The following PPP1R37 variants were observed in gnomAD, a reference collection of about 807,000 sequenced individuals.
The protein encoded by PPP1R37 is protein phosphatase 1 regulatory subunit 37.
Under a neutral mutation model 61.0 loss-of-function variants are expected in PPP1R37, and 21 were observed. The ratio of observed to expected loss-of-function variants is 0.34; its 90% CI spans 0.24 to 0.50. The LOEUF (loss-of-function observed/expected upper bound fraction) is 0.50. Among genes scored for constraint, PPP1R37 ranks in the 20% least tolerant of loss-of-function variants. PPP1R37 has a pLI of 0.98. For synonymous variants in PPP1R37, 443 were observed against 433.5 expected (o/e 1.02, Z -0.27); for missense variants, 910 against 952.7 (o/e 0.96, Z 0.59).
rs943748522 is a variant in PPP1R37, at chr19:45,144,928, G to C, written c.1062G>C (p.Lys354Asn). 4 of 1,535,756 alleles carry C rather than the reference G, an allele frequency of 2.6e-6. No homozygotes were observed. The highest frequency in any genetic ancestry group is 3.5e-6 in the Non-Finnish European group (4 of 1,146,728). ...GGAACGAGGGTGTGCGGCACCTCAA[G>C]AACGGGCTCATCAGCAACCGCAGCG... ...PIGNEGVRHLKNGLISNRSVL... is the reference protein window; with the variant it reads ...PIGNEGVRHLNNGLISNRSVL... The change falls in exon 9 of 13, where the codon AAG becomes AAC. Residue 354 changes from lysine to asparagine, a missense_variant. This residue lies in a region of PPP1R37 where 549 missense variants were observed against 505.1 expected (regional missense o/e 1.09). Coordinates refer to ENST00000221462, the MANE Select transcript of PPP1R37 (RefSeq NM_019121.2).
At chr19:45,099,016 G>T (rs923408026) in intron 1 of PPP1R37, among the ~76,000 whole-genome samples, 2 of 152,068 alleles carry the variant, frequency 1.3e-5, no homozygotes, top group Non-Finnish European at 2.9e-5. Flanking sequence ...GTCCTCATAG[G>T]GTGATTGGGA....
At chr19:45,129,030 G>C in intron 1 of PPP1R37, 1 of 831,034 alleles carries the variant, frequency 1.2e-6, no homozygotes, top group Non-Finnish European at 2.0e-6. Context: ...CATGGCAAAA[G>C]AACTGGCTCC....
chr19:45,097,720 T>C (rs1211082914), intron 1 of PPP1R37, among the ~76,000 whole-genome samples: 1 of 151,852 alleles, frequency 6.6e-6, no homozygotes, highest in African/African-American at 2.4e-5. Context: ...GGCCATCTGA[T>C]GTTCTTCTGT....
At chr19:45,120,599 A>G (rs1968329958) in intron 1 of PPP1R37, among the ~76,000 whole-genome samples, 1 of 152,122 alleles carries the variant, frequency 6.6e-6, no homozygotes, top group Admixed American at 6.6e-5. Context: ...ATTAATCTCC[A>G]GGTGTGTAAT....
rs1043771319 is a variant in PPP1R37, at chr19:45,093,388, C to G, written c.63C>G (p.Ala21=). The G allele has an allele frequency of 9.8e-6, 15 of 1,532,754 alleles. No individual in the cohort carries two copies. The highest frequency in any genetic ancestry group is 1.7e-4 in the Middle Eastern group (1 of 5,968). The allele number at this position is 1,532,754 out of a possible 1,614,324, so 94.9% of individuals were successfully genotyped here. ...GCGCGGACGGCGACATTGAAGAGGCCCCAGCTGAGGCCGGGTCTCCCAGCC... is the reference window on the plus strand; with the variant it reads ...GCGCGGACGGCGACATTGAAGAGGCGCCAGCTGAGGCCGGGTCTCCCAGCC... ...VPGADGDIEE[A]PAEAGSPSPA... is the part of the protein sequence containing the mutation. The change falls in exon 1 of 13, where the codon GCC becomes GCG. Residue 21 remains alanine (A), a synonymous_variant. Coordinates refer to ENST00000221462, the MANE Select transcript of PPP1R37 (RefSeq NM_019121.2).
intron 1 of PPP1R37, among the ~76,000 whole-genome samples, chr19:45,127,125 G>A (rs555684537): frequency 3.0e-4 from 46 of 152,184 alleles, no homozygotes; most frequent in African/African-American, 1.0e-3. Flanking sequence ...CTAGATGGGC[G>A]GATCACCTGA....
At chr19:45,117,159 C>T (rs1427926841) in intron 1 of PPP1R37, among the ~76,000 whole-genome samples, 3 of 152,074 alleles carry the variant, frequency 2.0e-5, no homozygotes, top group African/African-American at 2.4e-5. Context: ...GTGATGCACC[C>T]GCCTCAGCCT....
rs1198613949 is a variant in PPP1R37 at position 45,093,321 on chromosome 19, C to A, written c.-5C>A. The stretch of plus-strand genomic sequence containing the variant: ...CGGGGCCCCCGTGAGGAGGCGGCGG[C>A]GGCTATGGAGATCGCGCCGCAGGAG... On this transcript the variant is annotated 5_prime_UTR_variant, in exon 1 of 13. Coordinates refer to ENST00000221462, the MANE Select transcript of PPP1R37 (RefSeq NM_019121.2). The A allele has an allele frequency of 7.0e-7, 1 of 1,436,162 alleles. No homozygotes were observed. Among genetic ancestry groups the A allele is most frequent in the Admixed American group, 2.8e-5 (1 of 36,252 alleles). 89.0% of individuals were successfully genotyped at this position (1,436,162 alleles called of 1,614,324 possible). A position where few individuals can be genotyped will look rare whatever the true frequency, so the allele number is the denominator to read the frequency against.
chr19:45,100,781 G>A lies in PPP1R37; in HGVS notation c.202+7254G>A, dbSNP rs141043004. Among the ~76,000 whole-genome samples, 1,407 of 148,140 alleles carry A rather than the reference G, an allele frequency of 9.5e-3. 22 individuals are homozygous for A. The highest frequency in any genetic ancestry group is 0.032 in the African/African-American group (1,298 of 40,484). On this transcript the variant is annotated intron_variant, in intron 1 of 12. Transcript: ENST00000221462. The stretch of plus-strand genomic sequence containing the variant: ...AGAAACAGAAACAGGTGGGGTAAGG[G>A]CCCAGCCTTGGTGGGCACGCAGGAG...
chr19:45,105,812 C>T (rs779302662), intron 1 of PPP1R37, among the ~76,000 whole-genome samples: 2 of 152,178 alleles, frequency 1.3e-5, no homozygotes, highest in Non-Finnish European at 2.9e-5. Flanking sequence ...GGGTCAGGCC[C>T]GGGGCTTTCT....
At chr19:45,142,644 G>C in intron 7 of PPP1R37, 186 bp downstream of exon 7, 3 of 652,916 alleles carry the variant, frequency 4.6e-6, no homozygotes, top group South Asian at 4.0e-5. Context: ...GACTGGGCTG[G>C]TGGAGCCCAG....
intron 5 of PPP1R37, 53 bp from the exon 6 acceptor site, chr19:45,142,008 G>A (rs1207906168): frequency 7.1e-7 from 1 of 1,403,070 alleles, no homozygotes; most frequent in South Asian, 1.4e-5. Flanking sequence ...GGGCCAGGGA[G>A]TGCTGGGGCA....
intron 1 of PPP1R37, among the ~76,000 whole-genome samples, chr19:45,112,413 A>G (rs142447083): frequency 2.2e-5 from 3 of 136,562 alleles, no homozygotes; most frequent in African/African-American, 8.2e-5. Context: ...TTGGCTTCTC[A>G]AGGTAATGCC....
chr19:45,118,589 G>A (rs961526452), intron 1 of PPP1R37, among the ~76,000 whole-genome samples: 1 of 152,204 alleles, frequency 6.6e-6, no homozygotes, highest in Non-Finnish European at 1.5e-5. Flanking sequence ...TAACTGCGTA[G>A]TAAATGACAG....
chr19:45,127,512 G>GA (rs1968422311), intron 1 of PPP1R37, among the ~76,000 whole-genome samples: 1 of 152,148 alleles, frequency 6.6e-6, no homozygotes, highest in Admixed American at 6.6e-5. Flanking sequence ...TTGTGTATAT[G>GA]AACGTAGACA....
In PPP1R37 at chr19:45,141,458, T is replaced by C; in HGVS notation, c.567+17T>C. On this transcript the variant is annotated intron_variant, in intron 5 of 12. Coordinates refer to ENST00000221462, the MANE Select transcript of PPP1R37 (RefSeq NM_019121.2). The stretch of plus-strand genomic sequence containing the variant: ...ATGCGCAAGGTGGGCGCCTCTCGGC[T>C]TCCAGGAAGAGGCAGCTCAGGCTCC... 6.6e-7 allele frequency: 1 copy of C among 1,521,658 alleles called. No individual in the cohort carries two copies. Among genetic ancestry groups the C allele is most frequent in the Non-Finnish European group, 8.8e-7 (1 of 1,136,212 alleles). 94.3% of individuals were successfully genotyped at this position (1,521,658 alleles called of 1,614,324 possible). A position where few individuals can be genotyped will look rare whatever the true frequency, so the allele number is the denominator to read the frequency against.
In PPP1R37 at chr19:45,127,365, A is replaced by AC. The variant is rs1177967709; in HGVS notation, c.203-11149_203-11148insC. ...AAAACTCCATCTCAAAAAAAAAAAA[A>AC]AAAAAAAAAAACCCTAGGTGGCATG... is the stretch of plus-strand genomic sequence containing the variant. On this transcript the variant is annotated intron_variant, in intron 1 of 12. Coordinates refer to ENST00000221462, the MANE Select transcript of PPP1R37 (RefSeq NM_019121.2). 7.3e-5 allele frequency among the ~76,000 whole-genome samples: 11 copies of AC among 151,558 alleles called. No individual in the cohort carries two copies. In the Admixed American group the frequency reaches 7.3e-4, roughly 10 times the overall value.
chr19:45,112,733 G>C (rs1329952088), intron 1 of PPP1R37, among the ~76,000 whole-genome samples: 1 of 152,200 alleles, frequency 6.6e-6, no homozygotes, highest in Non-Finnish European at 1.5e-5. Flanking sequence ...TTCCCGACTG[G>C]ACCAGGACTC....
At chr19:45,137,844 A>AC (rs550776674) in intron 1 of PPP1R37, among the ~76,000 whole-genome samples, 12 of 151,894 alleles carry the variant, frequency 7.9e-5, no homozygotes, top group African/African-American at 2.7e-4. Flanking sequence ...AAAAAAAAAA[A>AC]AAACAAACCA....
Sources: gnomAD v4.1 joint callset for allele counts (sites outside exome capture counted in the v4.1 genomes callset) on GRCh38, gnomAD v4.1.1 for gene constraint, gnomAD v4.1.1 regional missense constraint, MANE v1.5 for transcripts, NCBI Gene and HGNC (gene_info 2026-07-23, HGNC 2026-07-21) for gene names.